The following ART3 variants were observed in gnomAD, a reference collection of about 807,000 sequenced individuals.
ART3 encodes the protein ADP-ribosyltransferase 3 (inactive).
A neutral mutation model predicts 48.5 loss-of-function variants in ART3; 49 were observed. The observed-to-expected ratio is 1.01, with a 90% CI of 0.80 to 1.28. The LOEUF is 1.28. ART3 is among the 50% of genes most tolerant of loss of function. The pLI, the probability that ART3 is intolerant of heterozygous loss-of-function variation, is 0.00. For synonymous variants in ART3, 145 were observed against 157.2 expected (o/e 0.92, Z 0.58); for missense variants, 438 against 454.3 (o/e 0.96, Z 0.33).
In ART3 at chr4:76,089,970, C is replaced by T. The variant is rs150233440; in HGVS notation, c.781+7435C>T. Among the ~76,000 whole-genome samples the T allele has an allele frequency of 6.6e-3, 1,012 of 152,228 alleles. 26 individuals carry two copies. The highest frequency in any genetic ancestry group is 0.062 in the East Asian group (322 of 5,168). ...TGGTGGGTACCTGTAGTCCCAGCTA[C>T]TCGGGAGGCTGAGGCAGGAGAATCA... On this transcript the variant is annotated intron_variant, in intron 3 of 11. Transcript: ENST00000355810.
intron 11 of ART3, among the ~76,000 whole-genome samples, chr4:76,108,753 T>C (rs375175969): frequency 3.3e-5 from 5 of 152,302 alleles, no homozygotes; most frequent in African/African-American, 1.2e-4. Context: ...CCCTAGATGG[T>C]ATACCCTGCT....
At chr4:76,028,371 A>C (rs1248619527) in intron 1 of ART3, among the ~76,000 whole-genome samples, 1 of 152,210 alleles carries the variant, frequency 6.6e-6, no homozygotes, top group Non-Finnish European at 1.5e-5. Context: ...AAAGAAAATG[A>C]AAGTTAAGGA....
chr4:76,055,567 C>T (rs185476245), intron 1 of ART3, among the ~76,000 whole-genome samples: 26 of 152,258 alleles, frequency 1.7e-4, no homozygotes, highest in Non-Finnish European at 2.9e-4. Context: ...GAGTGAAAGG[C>T]ATCTCAAAGG....
chr4:76,034,885 T>C (rs1734209333), intron 1 of ART3: 3 of 1,444,478 alleles, frequency 2.1e-6, no homozygotes, highest in South Asian at 1.2e-5. Context: ...TCTAAAAACA[T>C]GTAGTAAGAA....
chr4:76,018,600 AAG>A (rs999793902), intron 1 of ART3, among the ~76,000 whole-genome samples: 12 of 152,336 alleles, frequency 7.9e-5, no homozygotes, highest in African/African-American at 2.4e-4. Context: ...AAAAGTTGGA[AAG>A]AAAAAAAATT....
At chr4:76,085,234 G>T (rs985781847) in intron 3 of ART3, among the ~76,000 whole-genome samples, 46 of 152,330 alleles carry the variant, frequency 3.0e-4, no homozygotes, top group African/African-American at 1.0e-3. Context: ...TCGCTGCTGG[G>T]TCAAGTAAAG....
chr4:76,011,491 A>G (rs1480809297), intron 1 of ART3, among the ~76,000 whole-genome samples: 1 of 152,222 alleles, frequency 6.6e-6, no homozygotes, highest in Non-Finnish European at 1.5e-5. Context: ...TGAGGCCAGC[A>G]GGGAACGACG....
At chr4:76,053,103 A>G (rs1484958800) in intron 1 of ART3, among the ~76,000 whole-genome samples, 1 of 152,226 alleles carries the variant, frequency 6.6e-6, no homozygotes, top group Non-Finnish European at 1.5e-5. Context: ...AAAAGAAGAA[A>G]TAAGCTTTAG....
At chr4:76,084,193 T>C (rs889641329) in intron 3 of ART3, among the ~76,000 whole-genome samples, 3 of 152,226 alleles carry the variant, frequency 2.0e-5, no homozygotes, top group African/African-American at 7.2e-5. Context: ...CTGAACATCC[T>C]GAAATCTCTC....
chr4:76,040,452 A>ACACG (rs1734857230), intron 1 of ART3, among the ~76,000 whole-genome samples: 2 of 36,282 alleles, frequency 5.5e-5, no homozygotes, highest in East Asian at 0.013. Context: ...ACACACACAC[A>ACACG]CACACACACA....
chr4:76,016,614 A>G (rs1247091086), intron 1 of ART3, among the ~76,000 whole-genome samples: 1 of 152,164 alleles, frequency 6.6e-6, no homozygotes, highest in Non-Finnish European at 1.5e-5. Context: ...CAGCTCTACC[A>G]TCAGCATGTG....
intron 1 of ART3, chr4:76,021,540 G>A (rs1732810975): frequency 5.3e-6 from 1 of 188,706 alleles, no homozygotes; most frequent in African/African-American, 2.3e-5. Flanking sequence ...AAGCAGATTT[G>A]ATTGCATACC....
At chr4:76,095,808 C>G (rs546180297) in intron 3 of ART3, among the ~76,000 whole-genome samples, 1 of 152,208 alleles carries the variant, frequency 6.6e-6, no homozygotes, top group Non-Finnish European at 1.5e-5. Flanking sequence ...CCCCAGGCTG[C>G]ACCTTTCAAC....
chr4:76,073,184 A>AAGGACTCAAATATTTG (rs1174987745), upstream of ART3, among the ~76,000 whole-genome samples: 1 of 152,258 alleles, frequency 6.6e-6, no homozygotes, highest in African/African-American at 2.4e-5. Flanking sequence ...AGCACATTTT[A>AAGGACTCAAATATTTG]AGGACTCAAA....
chr4:76,045,038 G>T (rs1302502344), intron 1 of ART3, among the ~76,000 whole-genome samples: 2 of 151,968 alleles, frequency 1.3e-5, no homozygotes, highest in Non-Finnish European at 2.9e-5. Context: ...CAGTTCTAAG[G>T]CTCGGGTAAG....
chr4:76,109,233 CTTTT>C (rs1426365831), intron 11 of ART3, among the ~76,000 whole-genome samples: 1 of 142,604 alleles, frequency 7.0e-6, no homozygotes, highest in African/African-American at 2.6e-5. Context: ...TTCTATAAAG[CTTTT>C]TTATCACCTT....
intron 1 of ART3, among the ~76,000 whole-genome samples, chr4:76,059,063 T>C (rs1054842098): frequency 2.0e-5 from 3 of 152,162 alleles, no homozygotes; most frequent in African/African-American, 7.2e-5. Flanking sequence ...GGCACAAGAG[T>C]AGATTACAGT....
chr4:76,088,938 A>C (rs1272126535), intron 3 of ART3, among the ~76,000 whole-genome samples: 1 of 152,158 alleles, frequency 6.6e-6, no homozygotes, highest in African/African-American at 2.4e-5. Flanking sequence ...TGACATCATA[A>C]ATTTGCAAAG....
chr4:76,040,320 G>A (rs965790990), intron 1 of ART3, among the ~76,000 whole-genome samples: 9 of 151,976 alleles, frequency 5.9e-5, no homozygotes, highest in Admixed American at 3.3e-4. Context: ...GAGAGACTCC[G>A]TCTCAAAAAA....
Sources: allele counts gnomAD v4.1 joint callset (sites outside exome capture counted in the v4.1 genomes callset), GRCh38; gene constraint gnomAD v4.1.1; transcripts MANE v1.5; gene names NCBI Gene and HGNC (gene_info 2026-07-23, HGNC 2026-07-21).